The following PTCH2 variants were observed in gnomAD, a reference collection of about 807,000 sequenced individuals.
PTCH2 encodes the protein patched 2.
PTCH2 carries 96 observed loss-of-function variants against 117.9 expected under a neutral mutation model. The ratio of observed to expected loss-of-function variants is 0.81; its 90% CI spans 0.69 to 0.96. The LOEUF (loss-of-function observed/expected upper bound fraction) is 0.96. Ranked by LOEUF, PTCH2 falls within the 50% of genes least tolerant of loss-of-function variation. The pLI is 0.00. For synonymous variants in PTCH2, 615 were observed against 660.9 expected (o/e 0.93, Z 1.06); for missense variants, 1,379 against 1,562.5 (o/e 0.88, Z 1.98).
At position 44,826,002 on chromosome 1, in the gene PTCH2, G is replaced by A. The variant is rs1328865246; in HGVS notation, c.3114+248C>T. Among the ~76,000 whole-genome samples, 1 of 151,676 alleles carries A rather than the reference G, an allele frequency of 6.6e-6. No homozygotes were observed. Among genetic ancestry groups the A allele is most frequent in the East Asian group, 1.9e-4 (1 of 5,158 alleles). ...TGGGATTACTGGCATGTGCCACCAC[G>A]CCTGGCTAATTTTTTGTATTTTTAG... On this transcript the variant is annotated intron_variant, in intron 19 of 21. Transcript: ENST00000372192. The surrounding 1 kb of genome is among the most constrained non-coding windows in gnomAD (Gnocchi z 5.1).
intron 19 of PTCH2, among the ~76,000 whole-genome samples, chr1:44,824,319 T>C (rs1653046096): frequency 1.3e-5 from 2 of 152,186 alleles, no homozygotes; most frequent in Non-Finnish European, 1.5e-5. Context: ...ATAGAGATAT[T>C]TGGTGGGGGG....
chr1:44,827,445 C>T lies in PTCH2; in HGVS notation c.2328G>A (p.Gln776=). The change falls in exon 15 of 22, where the codon CAG becomes CAA. Residue 776 remains glutamine, a synonymous_variant. Transcript: ENST00000372192. ...AATAGTGCAGCCAGGTGCGGGGTGC[C>T]TGGGTGGCCGGTGGGGGCAGCACCG... ...LKAVLPPPAT[Q]APRTWLHYYR... 1 of 1,614,100 alleles carries T rather than the reference C, an allele frequency of 6.2e-7. No individual in the cohort carries two copies. The highest frequency in any genetic ancestry group is 8.5e-7 in the Non-Finnish European group (1 of 1,179,990).
Position 44,823,158 on chromosome 1 carries a change from C to G in PTCH2, c.3268G>C (p.Ala1090Pro). ...AGGAGCGTGAGCACTGTCAGCGCCG[C>G]AAAGAAGTACCTAGGGGTAGGGTGT... is the stretch of plus-strand genomic sequence containing the variant. ...HFDFIVRYFF[A>P]ALTVLTLLGL... Residue 1090 changes from alanine to proline, a missense_variant, in exon 21 of 22, where the codon GCG becomes CCG. Ala to Pro is a conservative substitution (Grantham distance 27). Coordinates refer to ENST00000372192, the MANE Select transcript of PTCH2 (RefSeq NM_003738.5). This position sits in a 1 kb window ranked among gnomAD's most constrained non-coding sequence, Gnocchi z 5.1. The G allele has an allele frequency of 2.5e-6, 4 of 1,614,106 alleles. No homozygotes were observed. Among genetic ancestry groups the G allele is most frequent in the Non-Finnish European group, 3.4e-6 (4 of 1,179,996 alleles).
At chr1:44,824,150 G>T (rs1653037650) in intron 19 of PTCH2, among the ~76,000 whole-genome samples, 1 of 152,208 alleles carries the variant, frequency 6.6e-6, no homozygotes, top group Non-Finnish European at 1.5e-5. Context: ...GAAGAAGTTG[G>T]CCAACCACTA....
chr1:44,831,018 TG>T lies in PTCH2; in HGVS notation c.642del (p.Asn215ThrfsTer24). 10 of 1,611,890 alleles carry T rather than the reference TG, an allele frequency of 6.2e-6. No homozygotes were observed. The highest frequency in any genetic ancestry group is 8.5e-6 in the Non-Finnish European group (10 of 1,179,324). On this transcript the variant is annotated frameshift_variant, in exon 6 of 22. Coordinates refer to ENST00000372192, the MANE Select transcript of PTCH2 (RefSeq NM_003738.5). LOFTEE classifies it high-confidence loss of function. This position sits in a 1 kb window ranked among gnomAD's most constrained non-coding sequence, Gnocchi z 4.3. The part of the protein sequence containing the change: ...YLPGRPDIQW[T>X]NLDPEQLLEE... ...TCCAGCAGCTGCTCTGGATCCAGGT[TG>T]GTCCACTGGATATCCGGGCGGCCGC... is the stretch of plus-strand genomic sequence containing the variant.
chr1:44,832,732 A>C (rs1653513880), intron 2 of PTCH2, among the ~76,000 whole-genome samples: 1 of 152,042 alleles, frequency 6.6e-6, no homozygotes, highest in South Asian at 2.1e-4. Context: ...TCTGGTGGGG[A>C]GGACAAGGAG....
rs775286824 is a variant in PTCH2, at chr1:44,827,914, A to C, written c.1987T>G (p.Cys663Gly). The C allele has an allele frequency of 6.2e-7, 1 of 1,614,214 alleles. No homozygotes were observed. The highest frequency in any genetic ancestry group is 8.5e-7 in the Non-Finnish European group (1 of 1,180,050). Residue 663 changes from cysteine (C) to glycine (G), a missense_variant, in exon 14 of 22, where the codon TGT (cysteine) becomes GGT (glycine). By Grantham distance (159) the Cys-to-Gly change is radical. Coordinates refer to ENST00000372192, the MANE Select transcript of PTCH2 (RefSeq NM_003738.5). The part of the protein sequence containing the change: ...RQKAACKSLP[C>G]ARWNLAHFAR... ...AAATGGGCAAGATTCCAGCGGGCACAGGGCAGGGACTTGCAGGCTGCCTTC... is the reference window on the plus strand; with the variant it reads ...AAATGGGCAAGATTCCAGCGGGCACCGGGCAGGGACTTGCAGGCTGCCTTC...
chr1:44,837,120 C>T (rs903443220), intron 2 of PTCH2, among the ~76,000 whole-genome samples: 1 of 152,166 alleles, frequency 6.6e-6, no homozygotes, highest in African/African-American at 2.4e-5. Context: ...CCTTGGGCTG[C>T]CGAATTAACT....
At chr1:44,839,361 C>CAAAAAAAAAAAAAAAAAA (rs57053705) in intron 2 of PTCH2, among the ~76,000 whole-genome samples, 1 of 75,658 alleles carries the variant, frequency 1.3e-5, no homozygotes, top group Non-Finnish European at 2.6e-5. Context: ...GACTTACTCT[C>CAAAAAAAAAAAAAAAAAA]AAAAAAAAAA....
chr1:44,829,397 C>T lies in PTCH2; in HGVS notation c.1215+5G>A. The T allele has an allele frequency of 6.2e-7, 1 of 1,614,164 alleles. No individual in the cohort carries two copies. The highest frequency in any genetic ancestry group is 8.5e-7 in the Non-Finnish European group (1 of 1,180,016). ...TGGGGGCAAGGTGCCAGGTGCAAGA[C>T]CCACCATGAGCAGATAGCCTCCCAC... On this transcript the variant is annotated splice_donor_5th_base_variant and intron_variant, in intron 9 of 21. Coordinates refer to ENST00000372192, the MANE Select transcript of PTCH2 (RefSeq NM_003738.5).
intron 2 of PTCH2, 101 bp from the exon 3 acceptor site, chr1:44,832,442 G>C: frequency 7.9e-7 from 1 of 1,263,086 alleles, no homozygotes; most frequent in Non-Finnish European, 1.1e-6. Context: ...ACAAGTGGGA[G>C]AGGTGCGGCA....
chr1:44,823,886 C>T lies in PTCH2; in HGVS notation c.3115-501G>A, dbSNP rs768225027. 3.8e-4 allele frequency among the ~76,000 whole-genome samples: 57 copies of T among 151,136 alleles called. No homozygotes were observed. Among genetic ancestry groups the T allele is most frequent in the Non-Finnish European group, 7.7e-4 (52 of 67,916 alleles). On this transcript the variant is annotated intron_variant, in intron 19 of 21. Coordinates refer to ENST00000372192, the MANE Select transcript of PTCH2 (RefSeq NM_003738.5). This position sits in a 1 kb window ranked among gnomAD's most constrained non-coding sequence, Gnocchi z 5.1. The stretch of plus-strand genomic sequence containing the variant: ...CCAGGAGGTGGAGGTTGCAGTGAAC[C>T]GAGATTGCACTGCTACACTCCAGCC...
chr1:44,837,377 C>T (rs555626084), intron 2 of PTCH2, among the ~76,000 whole-genome samples: 7 of 152,266 alleles, frequency 4.6e-5, no homozygotes, highest in Admixed American at 6.5e-5. Flanking sequence ...CCTCAGCCTC[C>T]GGAGTAGCTG....
chr1:44,842,772 G>C, intron 1 of PTCH2, 89 bp downstream of exon 1: 1 of 1,298,346 alleles, frequency 7.7e-7, no homozygotes. Flanking sequence ...AATGACACTC[G>C]GCACTTCAAG....
chr1:44,819,933 T>TC (rs201444688), downstream of PTCH2: 911 of 153,410 alleles, frequency 5.9e-3, 4 homozygotes, highest in Non-Finnish European at 8.4e-3. Flanking sequence ...CTCACAACTT[T>TC]CTCTCCACGG....
chr1:44,835,625 C>T (rs1321548265), intron 2 of PTCH2, among the ~76,000 whole-genome samples: 5 of 152,088 alleles, frequency 3.3e-5, no homozygotes, highest in Non-Finnish European at 7.4e-5. Flanking sequence ...AGAAGTTTCA[C>T]GTGTAAAGGC....
chr1:44,832,997 A>C (rs1653526161), intron 2 of PTCH2, among the ~76,000 whole-genome samples: 1 of 152,172 alleles, frequency 6.6e-6, no homozygotes, highest in Non-Finnish European at 1.5e-5. Flanking sequence ...ACTCAGGCAG[A>C]AAGTGCATGG....
At chr1:44,838,706 G>A (rs374578566) in intron 2 of PTCH2, among the ~76,000 whole-genome samples, 133 of 152,116 alleles carry the variant, frequency 8.7e-4, no homozygotes, top group African/African-American at 2.8e-3. Context: ...TTTCTTCCTC[G>A]GCTTAATCTT....
At chr1:44,830,132 T>C (rs1017996975) in intron 6 of PTCH2, 102 bp from the exon 7 acceptor site, 2 of 1,493,794 alleles carry the variant, frequency 1.3e-6, no homozygotes, top group African/African-American at 1.4e-5. Flanking sequence ...TGAAGCTCAG[T>C]AGGGCTGGAG....
Sources: allele counts gnomAD v4.1 joint callset (sites outside exome capture counted in the v4.1 genomes callset), GRCh38; gene constraint gnomAD v4.1.1; non-coding constraint Gnocchi (gnomAD v3.1); transcripts MANE v1.5; gene names NCBI Gene and HGNC (gene_info 2026-07-23, HGNC 2026-07-21).